The following ZC3H7A variants were observed in gnomAD, a reference collection of about 807,000 sequenced individuals.
ZC3H7A encodes zinc finger CCCH-type containing 7A.
A neutral mutation model predicts 125.5 loss-of-function variants in ZC3H7A; 44 were observed. The observed-to-expected ratio is 0.35, with a 90% CI of 0.28 to 0.45. ZC3H7A has a LOEUF of 0.45. Among genes scored for constraint, ZC3H7A ranks in the 20% least tolerant of loss-of-function variants. The probability of loss-of-function intolerance (pLI) is 1.00; values close to 1 mark genes in which losing one functional copy is unlikely to be tolerated. For synonymous variants in ZC3H7A, 399 were observed against 391.2 expected (o/e 1.02, Z -0.23); for missense variants, 977 against 1,170.7 (o/e 0.83, Z 2.41).
chr16:11,762,643 A>G (rs745564908), intron 17 of ZC3H7A, 28 bp downstream of exon 17: 1 of 1,609,716 alleles, frequency 6.2e-7, no homozygotes. Flanking sequence ...AGGACACCAA[A>G]TGCAGAAAGT....
At chr16:11,789,140 G>A (rs999985287) in intron 1 of ZC3H7A, among the ~76,000 whole-genome samples, 2 of 152,152 alleles carry the variant, frequency 1.3e-5, no homozygotes, top group Non-Finnish European at 2.9e-5. Flanking sequence ...ACAGTTATAT[G>A]TCACCATTGA....
intron 3 of ZC3H7A, 77 bp from the exon 4 acceptor site, chr16:11,779,440 T>A: frequency 7.7e-7 from 1 of 1,293,276 alleles, no homozygotes; most frequent in Non-Finnish European, 1.1e-6. Context: ...TTTTTATACC[T>A]AAAACTTCAC....
chr16:11,751,227 A>G lies in ZC3H7A; in HGVS notation c.*90T>C. 7.4e-7 allele frequency: 1 copy of G among 1,347,428 alleles called. No homozygotes were observed. Among genetic ancestry groups the G allele is most frequent in the South Asian group, 1.5e-5 (1 of 66,366 alleles). 83.5% of individuals were successfully genotyped at this position (1,347,428 alleles called of 1,614,324 possible). ...ACGATATACGCCAATACAAGCAGGA[A>G]ATCTGCAGCTCCTCTGCTATGTGCC... On this transcript the variant is annotated 3_prime_UTR_variant, in exon 23 of 23. Coordinates refer to ENST00000355758, the MANE Select transcript of ZC3H7A (RefSeq NM_014153.4).
intron 12 of ZC3H7A, among the ~76,000 whole-genome samples, chr16:11,767,952 T>G: frequency 6.6e-6 from 1 of 152,208 alleles, no homozygotes; most frequent in East Asian, 1.9e-4. Flanking sequence ...ATACATTGTA[T>G]TGTATACTGG....
chr16:11,795,084 G>C (rs1011209551), intron 1 of ZC3H7A, among the ~76,000 whole-genome samples: 1 of 152,144 alleles, frequency 6.6e-6, no homozygotes, highest in African/African-American at 2.4e-5. Flanking sequence ...CTCATCCTGA[G>C]ACAAACCTCA....
chr16:11,771,042 T>C, intron 9 of ZC3H7A, 55 bp from the exon 10 acceptor site: 1 of 1,515,338 alleles, frequency 6.6e-7, no homozygotes. Context: ...TGGGTTTGGC[T>C]GAACTACTTT....
intron 1 of ZC3H7A, among the ~76,000 whole-genome samples, chr16:11,784,325 A>T (rs968474475): frequency 4.6e-5 from 7 of 152,048 alleles, no homozygotes; most frequent in Non-Finnish European, 8.8e-5. Flanking sequence ...ATGCTTTTTT[A>T]AAAAAATTTA....
chr16:11,769,017 G>C lies in ZC3H7A; in HGVS notation c.1173+14C>G, dbSNP rs368067153. 1.1e-5 allele frequency: 17 copies of C among 1,599,910 alleles called. No individual in the cohort carries two copies. Among genetic ancestry groups the C allele is most frequent in the Non-Finnish European group, 1.4e-5 (17 of 1,174,740 alleles). On this transcript the variant is annotated intron_variant, in intron 11 of 22. Coordinates refer to ENST00000355758, the MANE Select transcript of ZC3H7A (RefSeq NM_014153.4). Reference sequence around the variant, plus strand: ...TTCAAGCGATGTATTTACAAAAGAGGAAGTGGCACTTACAAGTAAAAGGGA... The same window carrying C: ...TTCAAGCGATGTATTTACAAAAGAGCAAGTGGCACTTACAAGTAAAAGGGA...
intron 2 of ZC3H7A, 71 bp downstream of exon 2, chr16:11,782,216 T>C: frequency 6.4e-7 from 1 of 1,558,100 alleles, no homozygotes; most frequent in Non-Finnish European, 8.8e-7. Flanking sequence ...GAGTTCTTCC[T>C]CTCCACAAAA....
chr16:11,787,487 G>C (rs1280225136), intron 1 of ZC3H7A, among the ~76,000 whole-genome samples: 1 of 151,988 alleles, frequency 6.6e-6, no homozygotes, highest in African/African-American at 2.4e-5. Flanking sequence ...TTTGACACAA[G>C]GTCTTACCCT....
rs772933976 is a variant in ZC3H7A, at chr16:11,779,151, A to G, written c.306+15T>C. 3.8e-6 allele frequency: 6 copies of G among 1,562,628 alleles called. No homozygotes were observed. Among genetic ancestry groups the G allele is most frequent in the Non-Finnish European group, 3.5e-6 (4 of 1,148,014 alleles). On this transcript the variant is annotated intron_variant, in intron 4 of 22. Transcript: ENST00000355758. ...TTTTCACTCTAGAAACATCATTTTA[A>G]AAATTACAACTCACCATATTAGAAT... is the stretch of plus-strand genomic sequence containing the variant.
intron 20 of ZC3H7A, 54 bp from the exon 21 acceptor site, chr16:11,756,424 A>G: frequency 6.3e-7 from 1 of 1,588,370 alleles, no homozygotes; most frequent in Non-Finnish European, 8.6e-7. Context: ...ATTTAAATAC[A>G]TGCAACTATG....
At chr16:11,764,002 G>A (rs1465616158) in intron 15 of ZC3H7A, among the ~76,000 whole-genome samples, 1 of 151,436 alleles carries the variant, frequency 6.6e-6, no homozygotes, top group African/African-American at 2.4e-5. Flanking sequence ...CACCGTGTTA[G>A]CCAGGATGGT....
chr16:11,776,281 T>TAAA, intron 7 of ZC3H7A, 39 bp downstream of exon 7: 2 of 1,519,404 alleles, frequency 1.3e-6, no homozygotes, highest in Admixed American at 2.1e-5. Context: ...TCCTTCCCTT[T>TAAA]AAAAAAAAAT....
rs1380072254 is a variant in ZC3H7A at position 11,763,605 on chromosome 16, A to G, written c.1875T>C (p.Ser625=). The G allele has an allele frequency of 1.2e-6, 2 of 1,609,758 alleles. No homozygotes were observed. The highest frequency in any genetic ancestry group is 2.2e-5 in the East Asian group (1 of 44,752). ...AATCAAGCTGACACTGACCATGAAAAGAACGTATTTTGGAGTATTTTACTG... is the reference window on the plus strand; with the variant it reads ...AATCAAGCTGACACTGACCATGAAAGGAACGTATTTTGGAGTATTTTACTG... ...ETTVKYSKIR[S]FHGQCQLDLC... Residue 625 remains serine, a synonymous_variant, in exon 16 of 23, where the codon TCT becomes TCC. Coordinates refer to ENST00000355758, the MANE Select transcript of ZC3H7A (RefSeq NM_014153.4).
At chr16:11,791,127 ACAC>A (rs1257784202) in intron 1 of ZC3H7A, among the ~76,000 whole-genome samples, 1 of 150,638 alleles carries the variant, frequency 6.6e-6, no homozygotes, top group Admixed American at 6.6e-5. Flanking sequence ...ACACACACAC[ACAC>A]ATCCCAATGC....
chr16:11,781,509 C>G, intron 2 of ZC3H7A, 45 bp from the exon 3 acceptor site: 3 of 1,594,600 alleles, frequency 1.9e-6, no homozygotes, highest in Non-Finnish European at 2.6e-6. Context: ...AGCTCCTTAT[C>G]GGGACCTGTT....
At chr16:11,769,874 C>G (rs2052948581) in intron 10 of ZC3H7A, among the ~76,000 whole-genome samples, 1 of 139,438 alleles carries the variant, frequency 7.2e-6, no homozygotes, top group South Asian at 2.4e-4. Context: ...ACTGCAGCCT[C>G]AACCTCCTGG....
At chr16:11,778,160 G>T (rs987802760) in intron 4 of ZC3H7A, among the ~76,000 whole-genome samples, 79 of 152,014 alleles carry the variant, frequency 5.2e-4, no homozygotes, top group African/African-American at 1.8e-3. Flanking sequence ...ACACTCGCCA[G>T]GCACGGTGGC....
Sources: allele counts gnomAD v4.1 joint callset (sites outside exome capture counted in the v4.1 genomes callset), GRCh38; gene constraint gnomAD v4.1.1; transcripts MANE v1.5; gene names NCBI Gene and HGNC (gene_info 2026-07-23, HGNC 2026-07-21).